The following CMTM8 variants were observed in gnomAD, a reference collection of about 807,000 sequenced individuals.
CMTM8 encodes the protein CKLF like MARVEL transmembrane domain containing 8.
Under a neutral mutation model 18.6 loss-of-function variants are expected in CMTM8, and 12 were observed. That is an observed-to-expected ratio of 0.65 (90% CI 0.41 to 1.05). The LOEUF (loss-of-function observed/expected upper bound fraction) is 1.05, where lower values mean the gene tolerates loss of function less well. CMTM8 is among the 50% of genes least tolerant of loss of function. CMTM8 has a pLI of 0.00. For synonymous variants in CMTM8, 87 were observed against 90.6 expected (o/e 0.96, Z 0.23); for missense variants, 217 against 227.2 (o/e 0.95, Z 0.29).
chr3:32,332,481 G>A (rs1305306161), intron 1 of CMTM8, among the ~76,000 whole-genome samples: 2 of 152,172 alleles, frequency 1.3e-5, no homozygotes, highest in African/African-American at 4.8e-5. Context: ...GAGGGGTGGG[G>A]AGCTTGGAGA....
chr3:32,294,048 T>A (rs1281387443), intron 1 of CMTM8, among the ~76,000 whole-genome samples: 1 of 152,174 alleles, frequency 6.6e-6, no homozygotes, highest in Non-Finnish European at 1.5e-5. Context: ...TCGTGCCCTT[T>A]GGTACTCTTA....
intron 1 of CMTM8, among the ~76,000 whole-genome samples, chr3:32,302,380 T>A (rs982422554): frequency 4.6e-5 from 7 of 152,320 alleles, no homozygotes; most frequent in African/African-American, 1.7e-4. Context: ...GATAGAAAAG[T>A]ACAAAATGCA....
intron 1 of CMTM8, among the ~76,000 whole-genome samples, chr3:32,243,395 G>A (rs942082929): frequency 2.0e-5 from 3 of 151,938 alleles, no homozygotes; most frequent in South Asian, 2.1e-4. Flanking sequence ...GCCCAGCATG[G>A]TGCTGGGCAT....
At chr3:32,254,900 TC>T (rs1466637946) in intron 1 of CMTM8, among the ~76,000 whole-genome samples, 1 of 152,186 alleles carries the variant, frequency 6.6e-6, no homozygotes, top group East Asian at 1.9e-4. Context: ...ACATATATTC[TC>T]CATTTCTTCC....
Position 32,350,359 on chromosome 3 carries a change from CT to C in CMTM8, c.148-6998del, listed in dbSNP as rs527757254. On this transcript the variant is annotated intron_variant, in intron 1 of 3. Coordinates refer to ENST00000307526, the MANE Select transcript of CMTM8 (RefSeq NM_178868.5). Reference sequence around the variant, plus strand: ...ATCCATTGTTCATATGTGTTCTAAGCTTTTTTTTTTTTTTTTGAGACAGAGT... The same window carrying C: ...ATCCATTGTTCATATGTGTTCTAAGCTTTTTTTTTTTTTTTGAGACAGAGT... 6.0e-3 allele frequency among the ~76,000 whole-genome samples: 814 copies of C among 136,080 alleles called. 2 individuals are homozygous for C. Among genetic ancestry groups the C allele is most frequent in the East Asian group, 0.019 (90 of 4,738 alleles). The allele number at this position is 136,080 out of a possible 152,430, so 89.3% of individuals were successfully genotyped here.
chr3:32,290,815 A>G (rs927602021), intron 1 of CMTM8, among the ~76,000 whole-genome samples: 2 of 152,222 alleles, frequency 1.3e-5, no homozygotes, highest in Non-Finnish European at 2.9e-5. Flanking sequence ...TGATTATATA[A>G]GCATCTGGTT....
chr3:32,264,843 A>G (rs1402268619), intron 1 of CMTM8, among the ~76,000 whole-genome samples: 1 of 152,214 alleles, frequency 6.6e-6, no homozygotes, highest in Admixed American at 6.5e-5. Context: ...ACAAAGATCA[A>G]AAGAGACAAA....
Position 32,238,961 on chromosome 3 carries a change from A to T in CMTM8, c.-12A>T. On this transcript the variant is annotated 5_prime_UTR_variant, in exon 1 of 4. Transcript: ENST00000307526. ...GTCCCTGGGGACGCGCCAGCCCGGC[A>T]GTGGCTCGACGATGGAGGAGCCGCA... 1 of 1,545,542 alleles carries T rather than the reference A, an allele frequency of 6.5e-7. No individual in the cohort carries two copies. The highest frequency in any genetic ancestry group is 8.7e-7 in the Non-Finnish European group (1 of 1,144,802).
At chr3:32,300,753 G>A (rs1429220293) in intron 1 of CMTM8, among the ~76,000 whole-genome samples, 2 of 152,104 alleles carry the variant, frequency 1.3e-5, no homozygotes, top group Non-Finnish European at 2.9e-5. Flanking sequence ...GAGGTCGGGA[G>A]TTCAAGACCA....
At chr3:32,268,339 C>T (rs982602616) in intron 1 of CMTM8, among the ~76,000 whole-genome samples, 10 of 152,070 alleles carry the variant, frequency 6.6e-5, no homozygotes, top group Non-Finnish European at 1.5e-4. Flanking sequence ...CAAACCCTCG[C>T]AAGGACAAAA....
At chr3:32,346,165 A>G (rs1294679044) in intron 1 of CMTM8, among the ~76,000 whole-genome samples, 6 of 152,200 alleles carry the variant, frequency 3.9e-5, no homozygotes, top group Non-Finnish European at 8.8e-5. Context: ...AAAAAAAGAA[A>G]AGAAAAGAAA....
intron 1 of CMTM8, among the ~76,000 whole-genome samples, chr3:32,305,889 T>C (rs917236969): frequency 1.3e-5 from 2 of 152,264 alleles, no homozygotes; most frequent in Admixed American, 6.5e-5. Flanking sequence ...CTTATGTAGA[T>C]GGAATTGTGT....
At chr3:32,263,247 G>A (rs1454553180) in intron 1 of CMTM8, among the ~76,000 whole-genome samples, 1 of 152,174 alleles carries the variant, frequency 6.6e-6, no homozygotes, top group Non-Finnish European at 1.5e-5. Flanking sequence ...ACCCCTCTGA[G>A]ACAAAACTTC....
At chr3:32,278,481 C>T (rs1702552879) in intron 1 of CMTM8, among the ~76,000 whole-genome samples, 1 of 152,170 alleles carries the variant, frequency 6.6e-6, no homozygotes, top group Non-Finnish European at 1.5e-5. Flanking sequence ...GTGTTTCACT[C>T]ATTTATGTTA....
intron 1 of CMTM8, among the ~76,000 whole-genome samples, chr3:32,324,993 C>G (rs1476694426): frequency 1.3e-5 from 2 of 152,236 alleles, no homozygotes; most frequent in Non-Finnish European, 2.9e-5. Context: ...TGAGAATGTT[C>G]CCTTTCCTTC....
At chr3:32,346,991 G>A (rs955518356) in intron 1 of CMTM8, among the ~76,000 whole-genome samples, 1 of 151,170 alleles carries the variant, frequency 6.6e-6, no homozygotes, top group African/African-American at 2.4e-5. Flanking sequence ...TGGCTTGCTT[G>A]CTTGCTTATT....
intron 2 of CMTM8, among the ~76,000 whole-genome samples, chr3:32,361,286 G>GTTTTTTTTTTGTTGTTTTTTTT (rs58364646): frequency 1.1e-5 from 1 of 87,230 alleles, no homozygotes; most frequent in African/African-American, 4.0e-5. Flanking sequence ...CAGCCTAAGA[G>GTTTTTTTTTTGTTGTTTTTTTT]TTTTTTTTTC....
chr3:32,306,677 A>G lies in CMTM8; in HGVS notation c.148-50696A>G, dbSNP rs148986953. ...ATGGTTACATCTACCTGGAATGTCTATAGGAACAGCAGAAGATGAGACTGG... is the reference window on the plus strand; with the variant it reads ...ATGGTTACATCTACCTGGAATGTCTGTAGGAACAGCAGAAGATGAGACTGG... On this transcript the variant is annotated intron_variant, in intron 1 of 3. Coordinates refer to ENST00000307526, the MANE Select transcript of CMTM8 (RefSeq NM_178868.5). 2.2e-4 allele frequency among the ~76,000 whole-genome samples: 34 copies of G among 152,336 alleles called. No homozygotes were observed. The East Asian group carries it at 6.0e-3, about 27-fold the overall frequency.
At chr3:32,313,030 T>G (rs1695849764) in intron 1 of CMTM8, among the ~76,000 whole-genome samples, 1 of 152,060 alleles carries the variant, frequency 6.6e-6, no homozygotes, top group Admixed American at 6.5e-5. Flanking sequence ...AAGACCAAAA[T>G]GTATATCTTA....
Sources: gnomAD v4.1 joint callset for allele counts (sites outside exome capture counted in the v4.1 genomes callset) on GRCh38, gnomAD v4.1.1 for gene constraint, MANE v1.5 for transcripts, NCBI Gene and HGNC (gene_info 2026-07-23, HGNC 2026-07-21) for gene names.